The following GABRG3 variants were observed in gnomAD, a reference collection of about 807,000 sequenced individuals.
GABRG3 encodes the protein gamma-aminobutyric acid type A receptor subunit gamma3, also known as gamma-aminobutyric acid receptor subunit gamma-3.
GABRG3 carries 25 observed loss-of-function variants against 48.8 expected under a neutral mutation model. The observed-to-expected ratio is 0.51, with a 90% CI of 0.37 to 0.72. The LOEUF is 0.72. Ranked by LOEUF, GABRG3 falls within the 30% of genes least tolerant of loss-of-function variation. GABRG3 has a pLI of 0.00. For synonymous variants in GABRG3, 227 were observed against 217.6 expected (o/e 1.04, Z -0.38); for missense variants, 394 against 577.9 (o/e 0.68, Z 3.26).
rs1005617600 is a variant in GABRG3, at chr15:27,025,351, A to C, written c.203-1403A>C. ...GGTATAGCATAATCAAAGGTTCTGC[A>C]GTATTTGGAGATGGAACACTTGTTG... On this transcript the variant is annotated intron_variant, in intron 2 of 9. Transcript: ENST00000615808. 9.8e-5 allele frequency among the ~76,000 whole-genome samples: 15 copies of C among 152,352 alleles called. 3 individuals carry two copies. Among genetic ancestry groups the C allele is most frequent in the Admixed American group, 8.5e-4 (13 of 15,300 alleles).
chr15:27,225,602 C>G (rs1158964775), intron 3 of GABRG3, among the ~76,000 whole-genome samples: 1 of 152,134 alleles, frequency 6.6e-6, no homozygotes, highest in Non-Finnish European at 1.5e-5. Flanking sequence ...CTGCCTTCCA[C>G]CCAGAGGGAT....
intron 5 of GABRG3, among the ~76,000 whole-genome samples, chr15:27,419,767 G>A (rs1195762352): frequency 5.3e-5 from 8 of 152,256 alleles, no homozygotes; most frequent in South Asian, 4.1e-4. Context: ...TCACACTCAA[G>A]TAACGGAAGG....
At chr15:27,198,700 T>A (rs1888586099) in intron 3 of GABRG3, among the ~76,000 whole-genome samples, 1 of 152,226 alleles carries the variant, frequency 6.6e-6, no homozygotes, top group African/African-American at 2.4e-5. Context: ...TGCACATGTA[T>A]GTTTATTGCA....
chr15:27,225,658 A>G (rs534578381), intron 3 of GABRG3, among the ~76,000 whole-genome samples: 204 of 152,198 alleles, frequency 1.3e-3, no homozygotes, highest in African/African-American at 4.8e-3. Flanking sequence ...CCACCAGGCT[A>G]TTGAGGGCAT....
chr15:27,159,691 C>T (rs1420973193), intron 3 of GABRG3, among the ~76,000 whole-genome samples: 2 of 152,078 alleles, frequency 1.3e-5, no homozygotes, highest in African/African-American at 2.4e-5. Flanking sequence ...TTTGTTCCCC[C>T]GCTCACCTTC....
chr15:27,249,016 G>T (rs143472092), intron 3 of GABRG3, among the ~76,000 whole-genome samples: 1 of 152,078 alleles, frequency 6.6e-6, no homozygotes, highest in Admixed American at 6.5e-5. Context: ...CCCACTGTTT[G>T]CCCCGAGGAG....
At chr15:27,243,400 A>G (rs565792230) in intron 3 of GABRG3, among the ~76,000 whole-genome samples, 8 of 152,236 alleles carry the variant, frequency 5.3e-5, no homozygotes, top group African/African-American at 1.9e-4. Context: ...GGGATGGGGA[A>G]GAAAGAAGGC....
chr15:27,432,391 CAG>C (rs1055086902), intron 5 of GABRG3, among the ~76,000 whole-genome samples: 2 of 152,100 alleles, frequency 1.3e-5, no homozygotes, highest in African/African-American at 4.8e-5. Context: ...GTGTTACAAA[CAG>C]AATACATTTA....
At chr15:27,402,324 A>T (rs1465518185) in intron 5 of GABRG3, among the ~76,000 whole-genome samples, 1 of 152,210 alleles carries the variant, frequency 6.6e-6, no homozygotes, top group Non-Finnish European at 1.5e-5. Flanking sequence ...GATATTGAAG[A>T]CTTAAGGGGT....
rs545762096 is a variant in GABRG3, at chr15:27,447,144, G to A, written c.575-33506G>A. Among the ~76,000 whole-genome samples, 35 of 152,272 alleles carry A rather than the reference G, an allele frequency of 2.3e-4. No homozygotes were observed. Among genetic ancestry groups the A allele is most frequent in the African/African-American group, 7.9e-4 (33 of 41,552 alleles). ...CATAAAATGTTCCAGCAGCACAGAG[G>A]ACGGAACAACTAATTCTATGTGGAG... is the stretch of plus-strand genomic sequence containing the variant. On this transcript the variant is annotated intron_variant, in intron 5 of 9. Transcript: ENST00000615808. This position sits in a 1 kb window ranked among gnomAD's most constrained non-coding sequence, Gnocchi z 4.0.
At chr15:27,270,362 C>T (rs1182729379) in intron 3 of GABRG3, among the ~76,000 whole-genome samples, 2 of 152,060 alleles carry the variant, frequency 1.3e-5, no homozygotes, top group African/African-American at 4.8e-5. Context: ...TTGACCGTGC[C>T]AGTTTGTTTA....
chr15:27,500,565 G>A lies in GABRG3; in HGVS notation c.713-19407G>A, dbSNP rs1014452003. 3.9e-5 allele frequency among the ~76,000 whole-genome samples: 6 copies of A among 152,228 alleles called. No individual in the cohort carries two copies. The East Asian group carries it at 9.6e-4, about 24-fold the overall frequency. ...AGCACCAGCCAGACGTTACGTAAAC[G>A]TGCTAAATAAAGCAGGCCCTTATAT... is the stretch of plus-strand genomic sequence containing the variant. On this transcript the variant is annotated intron_variant, in intron 6 of 9. Transcript: ENST00000615808.
At chr15:27,412,794 A>T (rs1425237754) in intron 5 of GABRG3, among the ~76,000 whole-genome samples, 1 of 152,212 alleles carries the variant, frequency 6.6e-6, no homozygotes, top group African/African-American at 2.4e-5. Flanking sequence ...ATCATAAATC[A>T]TTTCTTTGAA....
At chr15:27,062,325 G>A (rs538219631) in intron 3 of GABRG3, among the ~76,000 whole-genome samples, 8 of 151,604 alleles carry the variant, frequency 5.3e-5, no homozygotes, top group Admixed American at 2.6e-4. Context: ...GGCTGGGTGT[G>A]GTGGCTCACG....
intron 6 of GABRG3, among the ~76,000 whole-genome samples, chr15:27,490,727 C>T (rs184884342): frequency 1.4e-3 from 217 of 152,336 alleles, no homozygotes; most frequent in African/African-American, 4.9e-3. Context: ...CCCCAACTTT[C>T]CCTGGACAAC....
chr15:26,985,914 C>T (rs995807299), intron 2 of GABRG3, among the ~76,000 whole-genome samples: 2 of 152,152 alleles, frequency 1.3e-5, no homozygotes, highest in Non-Finnish European at 2.9e-5. Context: ...ACAAATGCCA[C>T]AGTGTAGGTG....
chr15:27,345,753 G>T (rs2140531635), intron 5 of GABRG3, among the ~76,000 whole-genome samples: 1 of 152,056 alleles, frequency 6.6e-6, no homozygotes, highest in African/African-American at 2.4e-5. Flanking sequence ...CTTAGTTTTT[G>T]TTTGTATGAG....
intron 3 of GABRG3, among the ~76,000 whole-genome samples, chr15:27,244,025 T>A (rs138531376): frequency 8.3e-4 from 127 of 152,214 alleles, no homozygotes; most frequent in African/African-American, 3.0e-3. Flanking sequence ...GTGGAAAGAT[T>A]TAGAGGGAGT....
intron 6 of GABRG3, among the ~76,000 whole-genome samples, chr15:27,497,645 G>A (rs892793329): frequency 6.6e-6 from 1 of 152,100 alleles, no homozygotes; most frequent in Non-Finnish European, 1.5e-5. Context: ...ATTTTAATTG[G>A]CAGATTTGGT....
Sources: allele counts gnomAD v4.1 joint callset (sites outside exome capture counted in the v4.1 genomes callset), GRCh38; gene constraint gnomAD v4.1.1; non-coding constraint Gnocchi (gnomAD v3.1); transcripts MANE v1.5; gene names NCBI Gene and HGNC (gene_info 2026-07-23, HGNC 2026-07-21).